The following LAMC3 variants were observed in gnomAD, a reference collection of about 807,000 sequenced individuals.
The protein encoded by LAMC3 is laminin subunit gamma 3.
LAMC3 carries 128 observed loss-of-function variants against 173.8 expected under a neutral mutation model. That is an observed-to-expected ratio of 0.74 (90% CI 0.64 to 0.85). The LOEUF (loss-of-function observed/expected upper bound fraction) is 0.85. Among genes scored for constraint, LAMC3 ranks in the 40% least tolerant of loss-of-function variants. The probability of loss-of-function intolerance (pLI) is 0.00; values close to 1 mark genes in which losing one functional copy is unlikely to be tolerated. For synonymous variants in LAMC3, 897 were observed against 909.1 expected, an observed-to-expected ratio of 0.99 and a Z score of 0.24; for missense variants, 2,022 against 2,156.0, an observed-to-expected ratio of 0.94 and a Z score of 1.23.
chr9:131,011,226 G>GA (rs894707729), intron 1 of LAMC3, among the ~76,000 whole-genome samples: 1 of 152,216 alleles, frequency 6.6e-6, no homozygotes, highest in Admixed American at 6.5e-5. Flanking sequence ...TCTAAAAGCT[G>GA]AAAAATGTTC....
At chr9:131,091,355 C>T (rs1485730161) in intron 27 of LAMC3, among the ~76,000 whole-genome samples, 182 bp from the exon 28 acceptor site, 5 of 152,240 alleles carry the variant, frequency 3.3e-5, no homozygotes, top group East Asian at 1.9e-4. Context: ...CCCATGGGCC[C>T]GTTGGGATGC....
chr9:131,013,555 C>T (rs1833463313), intron 1 of LAMC3, among the ~76,000 whole-genome samples: 2 of 152,186 alleles, frequency 1.3e-5, no homozygotes, highest in Admixed American at 1.3e-4. Context: ...CCATGTGCGG[C>T]CCCTGTCCTG....
At chr9:131,084,651 C>T (rs1200698614) in intron 24 of LAMC3, among the ~76,000 whole-genome samples, 12 of 152,034 alleles carry the variant, frequency 7.9e-5, no homozygotes, top group Non-Finnish European at 1.8e-4. Flanking sequence ...AATCCCAGCA[C>T]TTTGGGAAGC....
At chr9:131,053,050 C>T (rs1834330362) in intron 11 of LAMC3, 85 bp downstream of exon 11, 7 of 1,019,044 alleles carry the variant, frequency 6.9e-6, no homozygotes, top group Non-Finnish European at 9.0e-6. Context: ...ACAGTCTTGT[C>T]AGGGCCTTGC....
chr9:131,032,826 G>A (rs971757202), intron 3 of LAMC3, among the ~76,000 whole-genome samples: 9 of 152,068 alleles, frequency 5.9e-5, no homozygotes, highest in South Asian at 2.1e-4. Flanking sequence ...GCGCCACCAC[G>A]CCCGGCTAAT....
intron 11 of LAMC3, among the ~76,000 whole-genome samples, chr9:131,056,390 C>T (rs919163772): frequency 2.0e-5 from 3 of 151,586 alleles, no homozygotes; most frequent in African/African-American, 2.4e-5. Context: ...ATCTATATAT[C>T]GTTAATAACC....
chr9:131,077,676 CAAAAAAAAAAAAAAAAAAA>C (rs56320740), intron 22 of LAMC3, among the ~76,000 whole-genome samples: 376 of 27,726 alleles, frequency 0.014, 9 homozygotes, highest in African/African-American at 0.046. Context: ...GACTCCATCT[CAAAAAAAAAAAAAAAAAAA>C]AAAAAAAAAA....
chr9:131,021,941 G>A lies in LAMC3; in HGVS notation c.374-4344G>A, dbSNP rs188131662. On this transcript the variant is annotated intron_variant, in intron 1 of 27. Coordinates refer to ENST00000361069, the MANE Select transcript of LAMC3 (RefSeq NM_006059.4). ...GCCCTCCCTGGGTGCCACCCTCCAGGAACCTCCCCGTGTTCAGCCATCCAG... is the reference window on the plus strand; with the variant it reads ...GCCCTCCCTGGGTGCCACCCTCCAGAAACCTCCCCGTGTTCAGCCATCCAG... Among the ~76,000 whole-genome samples the A allele has an allele frequency of 3.6e-4, 55 of 152,286 alleles. 1 individual carries two copies. The East Asian group carries it at 9.6e-3, about 27-fold the overall frequency.
chr9:131,012,048 A>AACACACACACACACACACACACACAC (rs3837236), intron 1 of LAMC3, among the ~76,000 whole-genome samples: 9 of 138,126 alleles, frequency 6.5e-5, no homozygotes, highest in African/African-American at 2.3e-4. Flanking sequence ...GTAGAGAGCG[A>AACACACACACACACACACACACACAC]ACACACACAC....
At chr9:131,080,711 C>T (rs1830223571) in intron 23 of LAMC3, among the ~76,000 whole-genome samples, 1 of 152,100 alleles carries the variant, frequency 6.6e-6, no homozygotes, top group South Asian at 2.1e-4. Context: ...ACCTGCTGAT[C>T]TGGTCCACTG....
chr9:131,016,509 CCTA>C (rs1356668180), intron 1 of LAMC3, among the ~76,000 whole-genome samples: 1 of 152,202 alleles, frequency 6.6e-6, no homozygotes, highest in East Asian at 1.9e-4. Flanking sequence ...GCAAAGGAAT[CCTA>C]CTTCTGGGAA....
chr9:131,069,495 C>A (rs1830001372), intron 16 of LAMC3, among the ~76,000 whole-genome samples, 177 bp from the exon 17 acceptor site: 2 of 152,302 alleles, frequency 1.3e-5, no homozygotes, highest in South Asian at 2.1e-4. Context: ...CTCTGTGCCA[C>A]CTTCAACCTT....
chr9:131,032,568 T>C (rs796081410), intron 3 of LAMC3, among the ~76,000 whole-genome samples: 3 of 118,782 alleles, frequency 2.5e-5, no homozygotes, highest in African/African-American at 1.0e-4. Context: ...CTCTCTCTCT[T>C]GCTCTCTCTC....
chr9:131,070,237 T>C (rs1830016129), intron 17 of LAMC3, among the ~76,000 whole-genome samples: 1 of 152,242 alleles, frequency 6.6e-6, no homozygotes, highest in Non-Finnish European at 1.5e-5. Flanking sequence ...GCTCTAGGGT[T>C]AACCCATTGG....
intron 13 of LAMC3, among the ~76,000 whole-genome samples, chr9:131,064,621 G>A (rs1204120525): frequency 1.3e-5 from 2 of 148,830 alleles, no homozygotes; most frequent in Admixed American, 6.8e-5. Context: ...CCGAGATCGC[G>A]CCACTGCACT....
chr9:131,072,629 G>C lies in LAMC3; in HGVS notation c.3212-1G>C. On this transcript the variant is annotated splice_acceptor_variant, in intron 18 of 27. Coordinates refer to ENST00000361069, the MANE Select transcript of LAMC3 (RefSeq NM_006059.4). LOFTEE classifies it high-confidence loss of function. Reference sequence around the variant, plus strand: ...ACCCCTGGGCTGTGGGCTTCCCATAGGGGCTCGGGAAGCCTTCCTGGAGCA... The same window carrying C: ...ACCCCTGGGCTGTGGGCTTCCCATACGGGCTCGGGAAGCCTTCCTGGAGCA... 1 of 1,608,038 alleles carries C rather than the reference G, an allele frequency of 6.2e-7. No homozygotes were observed. Among genetic ancestry groups the C allele is most frequent in the Non-Finnish European group, 8.5e-7 (1 of 1,178,490 alleles).
rs761245259 is a variant in LAMC3, at chr9:131,072,781, G to A, written c.3363G>A (p.Val1121=). 26 of 1,613,296 alleles carry A rather than the reference G, an allele frequency of 1.6e-5. No individual in the cohort carries two copies. The Admixed American group carries it at 1.7e-4, about 10-fold the overall frequency. ...CCCAGCTGGCAGACCTGGAGGCAGT[G>A]CTGGAGTCCTCGGAAGAGGAGATTC... ...TCTQLADLEA[V]LESSEEEILH... The change falls in exon 19 of 28, where the codon GTG becomes GTA. Residue 1121 remains valine, a synonymous_variant. Transcript: ENST00000361069.
rs375177723 is a variant in LAMC3, at chr9:131,065,839, AGAT to A, written c.2348-1110_2348-1108del. 5.2e-3 allele frequency among the ~76,000 whole-genome samples: 634 copies of A among 122,892 alleles called. 5 individuals carry two copies. Among genetic ancestry groups the A allele is most frequent in the African/African-American group, 0.018 (592 of 33,406 alleles). 80.6% of individuals were successfully genotyped at this position (122,892 alleles called of 152,430 possible). ...GTGATGATGATGAGAATAATGGTCA[AGAT>A]GATGATGATGGAGGAAGGTGATGAT... On this transcript the variant is annotated intron_variant, in intron 13 of 27. Coordinates refer to ENST00000361069, the MANE Select transcript of LAMC3 (RefSeq NM_006059.4).
At chr9:131,079,690 C>T (rs755139999) in intron 23 of LAMC3, among the ~76,000 whole-genome samples, 3 of 151,766 alleles carry the variant, frequency 2.0e-5, no homozygotes, top group Non-Finnish European at 4.4e-5. Flanking sequence ...GAGACCCCAT[C>T]TCAAAAAAAA....
Sources: allele counts gnomAD v4.1 joint callset (sites outside exome capture counted in the v4.1 genomes callset), GRCh38; gene constraint gnomAD v4.1.1; transcripts MANE v1.5; gene names NCBI Gene and HGNC (gene_info 2026-07-23, HGNC 2026-07-21).